Variants in ME3 observed in about 807,000 individuals in gnomAD.
ME3 encodes NADP-dependent malic enzyme, mitochondrial.
ME3 carries 48 observed loss-of-function variants against 68.9 expected under a neutral mutation model. The observed-to-expected ratio is 0.70, with a 90% CI of 0.55 to 0.89. The LOEUF (loss-of-function observed/expected upper bound fraction) is 0.89, where lower values mean the gene tolerates loss of function less well. Ranked by LOEUF, ME3 falls within the 40% of genes least tolerant of loss-of-function variation. The pLI is 0.00. For missense variants in ME3, 675 were observed against 797.4 expected (o/e 0.85, Z 1.85); for synonymous variants, 320 against 318.8 (o/e 1.00, Z -0.04).
intron 4 of ME3, among the ~76,000 whole-genome samples, chr11:86,510,791 C>T (rs983040689): frequency 2.6e-5 from 4 of 152,224 alleles, no homozygotes; most frequent in African/African-American, 9.6e-5. Context: ...TTTTATTTAA[C>T]TGCCTACCTG....
intron 5 of ME3, among the ~76,000 whole-genome samples, chr11:86,502,512 T>C (rs1952793569): frequency 6.6e-6 from 1 of 152,240 alleles, no homozygotes; most frequent in Non-Finnish European, 1.5e-5. Context: ...AAGTGTCTTC[T>C]GCGCTGAACA....
chr11:86,559,369 T>C (rs531263723), intron 3 of ME3, among the ~76,000 whole-genome samples: 15 of 152,268 alleles, frequency 9.9e-5, no homozygotes, highest in Non-Finnish European at 1.6e-4. Context: ...CTGAACCCCA[T>C]TGCTGTCTGC....
chr11:86,647,813 C>T (rs1218323567), intron 2 of ME3, among the ~76,000 whole-genome samples: 1 of 152,136 alleles, frequency 6.6e-6, no homozygotes, highest in East Asian at 1.9e-4. Context: ...TAGTGGGAGA[C>T]TTTAACACCC....
At chr11:86,466,440 G>C (rs1158187375) in intron 7 of ME3, among the ~76,000 whole-genome samples, 3 of 152,172 alleles carry the variant, frequency 2.0e-5, no homozygotes, top group African/African-American at 7.2e-5. Flanking sequence ...AGGTAGAAGT[G>C]GCCTGCCCTT....
At chr11:86,662,638 TATA>T (rs1005273614) in intron 2 of ME3, among the ~76,000 whole-genome samples, 2 of 152,136 alleles carry the variant, frequency 1.3e-5, no homozygotes, top group African/African-American at 4.8e-5. Context: ...ACAGGAATAA[TATA>T]ATAACAGTGT....
At chr11:86,650,131 C>A (rs1375320335) in intron 2 of ME3, among the ~76,000 whole-genome samples, 1 of 152,138 alleles carries the variant, frequency 6.6e-6, no homozygotes, top group Non-Finnish European at 1.5e-5. Context: ...TGGAACAGAA[C>A]AGAGACCTCA....
intron 2 of ME3, among the ~76,000 whole-genome samples, chr11:86,588,532 A>G (rs1594562640): frequency 6.6e-6 from 1 of 152,178 alleles, no homozygotes; most frequent in East Asian, 1.9e-4. Context: ...AGAAAACGCC[A>G]TATTTCAACC....
chr11:86,594,721 A>G (rs780537680), intron 2 of ME3, among the ~76,000 whole-genome samples: 3 of 146,116 alleles, frequency 2.1e-5, no homozygotes, highest in Non-Finnish European at 4.5e-5. Context: ...AAAACGAAAC[A>G]AAGTCTGCTC....
chr11:86,455,527 T>C (rs971330812), intron 8 of ME3, among the ~76,000 whole-genome samples: 17 of 152,242 alleles, frequency 1.1e-4, no homozygotes, highest in African/African-American at 4.1e-4. Flanking sequence ...CAGAAAAGTA[T>C]GTTATCAGTA....
chr11:86,665,933 C>A (rs142370865), intron 2 of ME3, among the ~76,000 whole-genome samples: 41 of 152,226 alleles, frequency 2.7e-4, no homozygotes, highest in Non-Finnish European at 5.1e-4. Context: ...TTCAGAGGTT[C>A]TTGCATAATC....
At chr11:86,450,472 TC>T in intron 8 of ME3, 74 bp from the exon 9 acceptor site, 1 of 1,247,322 alleles carries the variant, frequency 8.0e-7, no homozygotes, top group Non-Finnish European at 1.2e-6. Flanking sequence ...TTGGCAGAGT[TC>T]CCCACATCTG....
Position 86,496,537 on chromosome 11 carries a change from C to T in ME3, c.705+1426G>A, listed in dbSNP as rs750641084. Among the ~76,000 whole-genome samples the T allele has an allele frequency of 9.2e-5, 14 of 152,192 alleles. 1 individual carries two copies. Among genetic ancestry groups the T allele is most frequent in the Non-Finnish European group, 1.9e-4 (13 of 68,036 alleles). ...TGCAGAATGCAAATAAGAATAACTT[C>T]TTGACACCGTGAATCAAGAATTTAC... On this transcript the variant is annotated intron_variant, in intron 6 of 14. Transcript: ENST00000543262.
intron 2 of ME3, among the ~76,000 whole-genome samples, chr11:86,669,466 G>A (rs1037405104): frequency 6.6e-6 from 1 of 152,170 alleles, no homozygotes; most frequent in Non-Finnish European, 1.5e-5. Flanking sequence ...AAGGTCTCAA[G>A]AAACTTACAA....
At chr11:86,611,076 G>A (rs1399275202) in intron 2 of ME3, among the ~76,000 whole-genome samples, 1 of 152,166 alleles carries the variant, frequency 6.6e-6, no homozygotes, top group Non-Finnish European at 1.5e-5. Flanking sequence ...AAGAGTGAGA[G>A]AAATCTTGCC....
chr11:86,446,513 T>G (rs1251662552), intron 12 of ME3, 26 bp from the exon 13 acceptor site: 2 of 1,612,320 alleles, frequency 1.2e-6, no homozygotes, highest in African/African-American at 2.7e-5. Context: ...AAACCAGAGA[T>G]GAACTTGGAG....
At chr11:86,584,251 A>G (rs1234546241) in intron 2 of ME3, among the ~76,000 whole-genome samples, 1 of 152,232 alleles carries the variant, frequency 6.6e-6, no homozygotes, top group African/African-American at 2.4e-5. Flanking sequence ...AATGCAAATT[A>G]AAACCACAAT....
intron 2 of ME3, among the ~76,000 whole-genome samples, chr11:86,599,260 G>A (rs575302702): frequency 3.9e-5 from 6 of 152,318 alleles, no homozygotes; most frequent in African/African-American, 9.6e-5. Flanking sequence ...GCTTAAAGGA[G>A]CTGATGAAGC....
Position 86,533,586 on chromosome 11 carries a change from A to G in ME3, c.467+22967T>C, listed in dbSNP as rs554364418. On this transcript the variant is annotated intron_variant, in intron 4 of 14. Coordinates refer to ENST00000543262, the Ensembl canonical transcript of ME3. The stretch of plus-strand genomic sequence containing the variant: ...AATATTTAAAGAAGAGCTAATGTCA[A>G]TCTTTCTCAAATTCTTCCAAAAAGA... 3.2e-4 allele frequency among the ~76,000 whole-genome samples: 49 copies of G among 152,354 alleles called. 2 individuals carry two copies. The highest frequency in any genetic ancestry group is 3.1e-3 in the South Asian group (15 of 4,826).
intron 2 of ME3, among the ~76,000 whole-genome samples, chr11:86,645,601 G>A (rs2135403452): frequency 6.6e-6 from 1 of 152,340 alleles, no homozygotes; most frequent in Non-Finnish European, 1.5e-5. Flanking sequence ...GCACCTGGGG[G>A]AAAGGGTGGC....
Sources: allele counts gnomAD v4.1 joint callset (sites outside exome capture counted in the v4.1 genomes callset), GRCh38; gene constraint gnomAD v4.1.1; transcripts MANE v1.5; gene names NCBI Gene and HGNC (gene_info 2026-07-23, HGNC 2026-07-21).